Variants in DCAF8L2 observed in about 807,000 individuals in gnomAD.
DCAF8L2 encodes DDB1- and CUL4-associated factor 8-like protein 2.
For synonymous variants in DCAF8L2, 200 were observed against 190.9 expected (o/e 1.05, Z -0.39); for missense variants, 430 against 490.7 (o/e 0.88, Z 1.17).
intron 1 of DCAF8L2, among the ~76,000 whole-genome samples, chrX:27,596,867 A>T (rs1926386214): frequency 9.0e-6 from 1 of 111,610 alleles, no homozygotes; most frequent in African/African-American, 3.3e-5. Flanking sequence ...GACATTATAT[A>T]TAGGAAATAT....
chrX:27,688,626 A>C (rs1474669997), intron 3 of DCAF8L2, among the ~76,000 whole-genome samples: 3 of 111,575 alleles, frequency 2.7e-5, no homozygotes, highest in Non-Finnish European at 3.8e-5. Context: ...TTCTTCTAAA[A>C]TATGTTGTCT....
the DCAF8L2 span, among the ~76,000 whole-genome samples, chrX:27,547,208 A>G: frequency 8.9e-6 from 1 of 111,907 alleles, no homozygotes; most frequent in Non-Finnish European, 1.9e-5. Flanking sequence ...TCTCCATTTG[A>G]GACCACCTCA....
At chrX:27,475,701 C>T in the DCAF8L2 span, among the ~76,000 whole-genome samples, 1 of 80,966 alleles carries the variant, frequency 1.2e-5, no homozygotes, top group Non-Finnish European at 2.6e-5. Flanking sequence ...TTTTGCCATA[C>T]AAGTACTGAA....
At chrX:27,491,729 A>C in the DCAF8L2 span, among the ~76,000 whole-genome samples, 1 of 106,888 alleles carries the variant, frequency 9.4e-6, no homozygotes, top group Non-Finnish European at 1.9e-5. Flanking sequence ...CACTTAGATG[A>C]TCTCTAGTTA....
the DCAF8L2 span, among the ~76,000 whole-genome samples, chrX:27,537,758 G>A: frequency 8.9e-6 from 1 of 111,912 alleles, no homozygotes; most frequent in Admixed American, 9.5e-5. Context: ...GCATATTAAA[G>A]ATTGCAAAGG....
At chrX:27,698,780 A>T (rs1931021316) in intron 3 of DCAF8L2, among the ~76,000 whole-genome samples, 1 of 112,258 alleles carries the variant, frequency 8.9e-6, no homozygotes, top group Non-Finnish European at 1.9e-5. Context: ...TCAAACTCTC[A>T]AATGTATGAA....
intron 2 of DCAF8L2, among the ~76,000 whole-genome samples, chrX:27,642,166 A>G: frequency 9.1e-6 from 1 of 110,434 alleles, no homozygotes; most frequent in Non-Finnish European, 1.9e-5. Context: ...GTGTTGGGAT[A>G]ACAAGCGTGA....
intron 2 of DCAF8L2, among the ~76,000 whole-genome samples, chrX:27,654,174 A>G (rs757665610): frequency 2.7e-5 from 3 of 111,178 alleles, no homozygotes; most frequent in Non-Finnish European, 5.7e-5. Flanking sequence ...AGTATGTGCC[A>G]ATTGGGAACC....
the DCAF8L2 span, among the ~76,000 whole-genome samples, chrX:27,523,889 T>C: frequency 9.0e-6 from 1 of 110,962 alleles, no homozygotes; most frequent in Non-Finnish European, 1.9e-5. Context: ...GTCCTTGCCA[T>C]AGTTTGCTGA....
At chrX:27,689,686 G>A (rs915685140) in intron 3 of DCAF8L2, among the ~76,000 whole-genome samples, 1 of 112,653 alleles carries the variant, frequency 8.9e-6, no homozygotes, top group African/African-American at 3.2e-5. Flanking sequence ...CAGGCTGACA[G>A]CAGACAATAT....
At chrX:27,612,808 T>A (rs1003536317) in intron 1 of DCAF8L2, among the ~76,000 whole-genome samples, 1 of 111,779 alleles carries the variant, frequency 8.9e-6, no homozygotes, top group African/African-American at 3.3e-5. Context: ...TTGGTCTATA[T>A]CTCTGTTTTG....
chrX:27,628,797 G>T (rs1928162491), intron 1 of DCAF8L2, among the ~76,000 whole-genome samples: 1 of 110,266 alleles, frequency 9.1e-6, no homozygotes, highest in East Asian at 2.9e-4. Flanking sequence ...TAGAGACGGG[G>T]TTTCACCATG....
At chrX:27,651,409 C>G (rs1257197786) in intron 2 of DCAF8L2, among the ~76,000 whole-genome samples, 2 of 110,072 alleles carry the variant, frequency 1.8e-5, no homozygotes, top group Non-Finnish European at 3.8e-5. Flanking sequence ...TGTGTATGTC[C>G]TTCATTAAAA....
the DCAF8L2 span, among the ~76,000 whole-genome samples, chrX:27,546,386 C>T: frequency 3.6e-5 from 4 of 111,719 alleles, no homozygotes; most frequent in Non-Finnish European, 5.6e-5. Flanking sequence ...CTTTTCCAGG[C>T]ACATGGTGCA....
chrX:27,564,056 A>G, the DCAF8L2 span, among the ~76,000 whole-genome samples: 27 of 112,016 alleles, frequency 2.4e-4, no homozygotes, highest in South Asian at 7.5e-4. Context: ...ATAAACATAT[A>G]CCTGAGACTG....
At chrX:27,612,833 G>A (rs1442629010) in intron 1 of DCAF8L2, among the ~76,000 whole-genome samples, 2 of 111,900 alleles carry the variant, frequency 1.8e-5, no homozygotes, top group Admixed American at 9.5e-5. Context: ...CCAGTACCAT[G>A]CTGTTTTGGT....
Position 27,704,173 on chromosome X carries a change from T to TATACACACACACAC in DCAF8L2, c.-142-11914_-142-11913insTACACACACACACA, listed in dbSNP as rs757835089. On this transcript the variant is annotated intron_variant, in intron 3 of 4. Coordinates refer to ENST00000451261, the MANE Select transcript of DCAF8L2 (RefSeq NM_001353450.2). The stretch of plus-strand genomic sequence containing the variant: ...GCTGCAGTATATATATATATATATA[T>TATACACACACACAC]ACATATACACACACACATATGTATA... Among the ~76,000 whole-genome samples the TATACACACACACAC allele has an allele frequency of 1.4e-3, 60 of 44,273 alleles. 4 individuals are homozygous for TATACACACACACAC. Among genetic ancestry groups the TATACACACACACAC allele is most frequent in the African/African-American group, 8.1e-3 (55 of 6,771 alleles). 38.4% of individuals were successfully genotyped at this position (44,273 alleles called of 115,157 possible).
At chrX:27,508,858 T>C in the DCAF8L2 span, among the ~76,000 whole-genome samples, 2 of 109,239 alleles carry the variant, frequency 1.8e-5, no homozygotes, top group African/African-American at 3.3e-5. Flanking sequence ...TCAATACTAA[T>C]TACTCATTAC....
intron 3 of DCAF8L2, among the ~76,000 whole-genome samples, chrX:27,688,317 T>C (rs1049427258): frequency 1.8e-5 from 2 of 111,947 alleles, no homozygotes; most frequent in Non-Finnish European, 3.8e-5. Flanking sequence ...CCACAAAATA[T>C]GAACACAGAA....
Sources: gnomAD v4.1 joint callset for allele counts (sites outside exome capture counted in the v4.1 genomes callset) on GRCh38, gnomAD v4.1.1 for gene constraint, MANE v1.5 for transcripts, NCBI Gene and HGNC (gene_info 2026-07-23, HGNC 2026-07-21) for gene names.